The following SLCO4C1 variants were observed in gnomAD, a reference collection of about 807,000 sequenced individuals.
The protein encoded by SLCO4C1 is solute carrier organic anion transporter family member 4C1, also known as organic anion transporter M1.
In SLCO4C1, 58 loss-of-function variants were observed where a neutral mutation model predicts 72.1. The ratio of observed to expected loss-of-function variants is 0.80; its 90% confidence interval spans 0.65 to 1.00. SLCO4C1 has a LOEUF of 1.00. Ranked by LOEUF, SLCO4C1 falls within the 50% of genes least tolerant of loss-of-function variation. The pLI is 0.00. For missense variants in SLCO4C1, 898 were observed against 857.9 expected, an observed-to-expected ratio of 1.05 and a Z score of -0.58; for synonymous variants, 297 against 312.5, an observed-to-expected ratio of 0.95 and a Z score of 0.52.
chr5:102,241,566 G>C (rs1269067385), intron 10 of SLCO4C1, among the ~76,000 whole-genome samples: 1 of 151,898 alleles, frequency 6.6e-6, no homozygotes, highest in Non-Finnish European at 1.5e-5. Context: ...TACACTGAAA[G>C]CTATAAAACA....
At chr5:102,275,088 T>C (rs1300340707) in intron 2 of SLCO4C1, among the ~76,000 whole-genome samples, 3 of 151,762 alleles carry the variant, frequency 2.0e-5, no homozygotes, top group South Asian at 2.1e-4. Context: ...TGTGAACACA[T>C]AGTTCATCAC....
At chr5:102,245,260 G>A (rs919797218) in intron 10 of SLCO4C1, among the ~76,000 whole-genome samples, 31 of 152,072 alleles carry the variant, frequency 2.0e-4, no homozygotes, top group Non-Finnish European at 1.5e-5. Context: ...TGGTTGAATG[G>A]ATGATAAAAC....
In SLCO4C1 at chr5:102,275,579, AAG is replaced by A. The variant is rs1749233019; in HGVS notation, c.620-4775_620-4774del. 2.0e-5 allele frequency among the ~76,000 whole-genome samples: 3 copies of A among 152,186 alleles called. No homozygotes were observed. The South Asian group carries it at 6.2e-4, about 31-fold the overall frequency. ...AGAGTAGACTTTGAAGAGAGACTCC[AAG>A]TCACAAATACACTTGGACTACTGAG... On this transcript the variant is annotated intron_variant, in intron 2 of 12. Coordinates refer to ENST00000310954, the MANE Select transcript of SLCO4C1 (RefSeq NM_180991.5).
intron 10 of SLCO4C1, among the ~76,000 whole-genome samples, chr5:102,243,655 T>C (rs545050727): frequency 6.6e-6 from 1 of 152,252 alleles, no homozygotes; most frequent in East Asian, 1.9e-4. Context: ...AAGACTATAA[T>C]AAATACTTAA....
chr5:102,274,479 C>T (rs750383981), intron 2 of SLCO4C1, among the ~76,000 whole-genome samples: 3 of 152,166 alleles, frequency 2.0e-5, no homozygotes, highest in Admixed American at 6.5e-5. Flanking sequence ...CAAAGACCCA[C>T]AGCCTGCTGC....
In SLCO4C1 at chr5:102,249,762, G is replaced by T. The variant is rs373841324; in HGVS notation, c.1496C>A (p.Ala499Asp). 57 of 1,613,592 alleles carry T rather than the reference G, an allele frequency of 3.5e-5. No homozygotes were observed. The highest frequency in any genetic ancestry group is 4.6e-5 in the Non-Finnish European group (54 of 1,179,828). Reference sequence around the variant, plus strand: ...ACAGTTACAATTGGCATTACAAGGGGCTATCAAGTTTCCCAATTCTCCAGT... The same window carrying T: ...ACAGTTACAATTGGCATTACAAGGGTCTATCAAGTTTCCCAATTCTCCAGT... Reference protein sequence around the residue: ...NGTGELGNLIAPCNANCNCSR... With the variant: ...NGTGELGNLIDPCNANCNCSR... Residue 499 changes from alanine to aspartate, a missense_variant, in exon 9 of 13, where the codon GCC becomes GAC. Coordinates refer to ENST00000310954, the MANE Select transcript of SLCO4C1 (RefSeq NM_180991.5).
intron 11 of SLCO4C1, among the ~76,000 whole-genome samples, chr5:102,240,059 G>A (rs547233353): frequency 8.5e-5 from 13 of 152,156 alleles, no homozygotes; most frequent in African/African-American, 2.9e-4. Flanking sequence ...ACTAGACTCA[G>A]AGTTAGGAAT....
At chr5:102,237,795 C>A (rs1429020292) in intron 12 of SLCO4C1, among the ~76,000 whole-genome samples, 1 of 152,148 alleles carries the variant, frequency 6.6e-6, no homozygotes, top group East Asian at 1.9e-4. Context: ...CTTAAAGCCT[C>A]TGTGGGAGGA....
chr5:102,277,422 C>A (rs917110638), intron 2 of SLCO4C1, among the ~76,000 whole-genome samples: 1 of 152,070 alleles, frequency 6.6e-6, no homozygotes, highest in African/African-American at 2.4e-5. Flanking sequence ...AACAGAAGCA[C>A]CCCCACTCCC....
At position 102,257,116 on chromosome 5, in the gene SLCO4C1, C is replaced by A; in HGVS notation, c.1468G>T (p.Gly490Trp). 6.4e-7 allele frequency: 1 copy of A among 1,565,460 alleles called. No homozygotes were observed. ...CAAAAAGCACTGAATTGTATTTACC[C>A]ATTATATGATTCAGATACACCAGCA... ...PFAGVSESYN[G>W]TGELGNLIAP... Residue 490 changes from glycine to tryptophan, a missense_variant and splice_region_variant, in exon 8 of 13, where the codon GGG becomes TGG. Coordinates refer to ENST00000310954, the MANE Select transcript of SLCO4C1 (RefSeq NM_180991.5).
intron 8 of SLCO4C1, among the ~76,000 whole-genome samples, chr5:102,251,565 G>A (rs1444238885): frequency 6.6e-6 from 1 of 151,358 alleles, no homozygotes; most frequent in East Asian, 1.9e-4. Flanking sequence ...ACTCTAGCCT[G>A]GGCAACAGAG....
At chr5:102,279,943 C>T (rs1749321518) in intron 2 of SLCO4C1, among the ~76,000 whole-genome samples, 1 of 151,706 alleles carries the variant, frequency 6.6e-6, no homozygotes, top group Non-Finnish European at 1.5e-5. Flanking sequence ...AGAACTTTCC[C>T]AACTTGATAA....
chr5:102,237,845 A>T (rs1282566082), intron 12 of SLCO4C1, among the ~76,000 whole-genome samples: 1 of 152,190 alleles, frequency 6.6e-6, no homozygotes, highest in East Asian at 1.9e-4. Context: ...TCTTCTTATC[A>T]GCTAAAAATA....
At chr5:102,294,241 T>G (rs1006787775) in intron 1 of SLCO4C1, among the ~76,000 whole-genome samples, 4 of 152,164 alleles carry the variant, frequency 2.6e-5, no homozygotes, top group Admixed American at 2.6e-4. Flanking sequence ...GAGACGGGTT[T>G]CACCATGTTG....
chr5:102,253,967 AT>A (rs1205862169), intron 8 of SLCO4C1, among the ~76,000 whole-genome samples: 100 of 138,960 alleles, frequency 7.2e-4, no homozygotes, highest in South Asian at 2.8e-3. Context: ...ATATATATAT[AT>A]CCCCTGATCT....
chr5:102,269,633 G>A (rs561120236), intron 3 of SLCO4C1, among the ~76,000 whole-genome samples: 233 of 152,062 alleles, frequency 1.5e-3, no homozygotes, highest in Non-Finnish European at 2.3e-3. Context: ...CCTTGATATC[G>A]TACTGAGTTT....
chr5:102,266,628 T>A (rs6895186), intron 3 of SLCO4C1, among the ~76,000 whole-genome samples: 8,088 of 151,742 alleles, frequency 0.053, 688 homozygotes, highest in African/African-American at 0.17. Flanking sequence ...CCAGCCTGGG[T>A]GACAAGAGCG....
chr5:102,241,272 C>A (rs1748535248), intron 10 of SLCO4C1, among the ~76,000 whole-genome samples: 1 of 151,616 alleles, frequency 6.6e-6, no homozygotes, highest in South Asian at 2.1e-4. Flanking sequence ...AGTAAGTAGG[C>A]AAGAAAAATA....
At chr5:102,269,839 T>A (rs949565060) in intron 3 of SLCO4C1, among the ~76,000 whole-genome samples, 1 of 152,086 alleles carries the variant, frequency 6.6e-6, no homozygotes, top group Non-Finnish European at 1.5e-5. Context: ...TTTTACTGAG[T>A]AGTTTTCACA....
Sources: gnomAD v4.1 joint callset for allele counts (sites outside exome capture counted in the v4.1 genomes callset) on GRCh38, gnomAD v4.1.1 for gene constraint, MANE v1.5 for transcripts, NCBI Gene and HGNC (gene_info 2026-07-23, HGNC 2026-07-21) for gene names.